LY86: variants seen among roughly 807,000 people sequenced by gnomAD.
The protein encoded by LY86 is lymphocyte antigen 86.
LY86 carries 20 observed loss-of-function variants against 17.3 expected under a neutral mutation model. The ratio of observed to expected loss-of-function variants is 1.15; its 90% CI spans 0.81 to 1.68. The LOEUF is 1.68. Ranked by LOEUF, LY86 falls within the 40% of genes most tolerant of loss-of-function variation. The pLI, the probability that LY86 is intolerant of heterozygous loss-of-function variation, is 0.00. For synonymous variants in LY86, 74 were observed against 70.6 expected, an observed-to-expected ratio of 1.05 and a Z score of -0.24; for missense variants, 200 against 191.9, an observed-to-expected ratio of 1.04 and a Z score of -0.25.
intron 1 of LY86, among the ~76,000 whole-genome samples, chr6:6,589,698 T>C (rs1760466314): frequency 2.0e-5 from 3 of 152,190 alleles, no homozygotes. Flanking sequence ...TGGCATCTTC[T>C]CCCTGTCTCC....
chr6:6,619,706 G>C (rs1175357206), intron 1 of LY86, among the ~76,000 whole-genome samples: 1 of 152,222 alleles, frequency 6.6e-6, no homozygotes, highest in African/African-American at 2.4e-5. Flanking sequence ...CCAGCTCTTA[G>C]AGTAATGTGG....
At chr6:6,621,934 G>A (rs1378679863) in intron 1 of LY86, among the ~76,000 whole-genome samples, 5 of 151,886 alleles carry the variant, frequency 3.3e-5, no homozygotes, top group Admixed American at 2.0e-4. Flanking sequence ...TAAATACAGA[G>A]AAGGATATGA....
Position 6,654,830 on chromosome 6 carries a change from A to G in LY86, c.*203A>G, listed in dbSNP as rs1405191560. On this transcript the variant is annotated 3_prime_UTR_variant, in exon 5 of 5. Coordinates refer to ENST00000230568, the MANE Select transcript of LY86 (RefSeq NM_004271.4). Reference sequence around the variant, plus strand: ...CAGATGTAATGAAGTCCCCGAATGTATCTGTTTCTAAGGAGCCTCTTGGCA... The same window carrying G: ...CAGATGTAATGAAGTCCCCGAATGTGTCTGTTTCTAAGGAGCCTCTTGGCA... 1.8e-6 allele frequency: 1 copy of G among 563,694 alleles called. No individual in the cohort carries two copies. Among genetic ancestry groups the G allele is most frequent in the East Asian group, 2.9e-5 (1 of 34,098 alleles). The allele number at this position is 563,694 out of a possible 1,614,324, so 34.9% of individuals were successfully genotyped here.
chr6:6,630,104 T>G (rs3804479), intron 3 of LY86, among the ~76,000 whole-genome samples: 19,708 of 152,258 alleles, frequency 0.13, 1,354 homozygotes, highest in Middle Eastern at 0.2. Flanking sequence ...TATTTTTGTC[T>G]TTTTTGGAAA....
intron 1 of LY86, chr6:6,622,593 T>C (rs1165088700): frequency 2.0e-5 from 3 of 152,230 alleles, no homozygotes; most frequent in East Asian, 3.8e-4. Flanking sequence ...AATTAGTGAC[T>C]GGACCAAAGG....
At chr6:6,646,385 G>A (rs73718623) in intron 3 of LY86, among the ~76,000 whole-genome samples, 1,764 of 152,228 alleles carry the variant, frequency 0.012, 32 homozygotes, top group African/African-American at 0.039. Flanking sequence ...TGAGGGGCTG[G>A]GCAAGGCATC....
At position 6,635,950 on chromosome 6, in the gene LY86, A is replaced by G. The variant is rs532079277; in HGVS notation, c.352+9529A>G. On this transcript the variant is annotated intron_variant, in intron 3 of 4. Coordinates refer to ENST00000230568, the MANE Select transcript of LY86 (RefSeq NM_004271.4). ...AGCATTTCCTGTCCCCTGACTCATC[A>G]GACTGCAGTGCTGCCGCTGGAGAGC... 1.7e-4 allele frequency among the ~76,000 whole-genome samples: 26 copies of G among 152,328 alleles called. No homozygotes were observed. The South Asian group carries it at 5.4e-3, about 32-fold the overall frequency.
At chr6:6,598,993 A>G (rs1289559580) in intron 1 of LY86, among the ~76,000 whole-genome samples, 3 of 152,184 alleles carry the variant, frequency 2.0e-5, no homozygotes, top group African/African-American at 7.2e-5. Flanking sequence ...ATATGGGACC[A>G]CTTGAGCTGA....
intron 3 of LY86, among the ~76,000 whole-genome samples, chr6:6,635,483 T>C (rs1319386163): frequency 6.6e-6 from 1 of 152,124 alleles, no homozygotes; most frequent in Non-Finnish European, 1.5e-5. Context: ...ACCGTAACAT[T>C]TTCAGGCCAC....
chr6:6,612,543 C>T (rs1424156679), intron 1 of LY86, among the ~76,000 whole-genome samples: 3 of 152,178 alleles, frequency 2.0e-5, no homozygotes, highest in East Asian at 1.9e-4. Flanking sequence ...CACACAAAAG[C>T]AACGAAACAA....
At chr6:6,652,090 G>A (rs539739767) in intron 4 of LY86, among the ~76,000 whole-genome samples, 2 of 147,644 alleles carry the variant, frequency 1.4e-5, no homozygotes, top group Non-Finnish European at 3.0e-5. Flanking sequence ...AAGGAAAAAG[G>A]TTGACCAGAT....
At chr6:6,654,053 G>C (rs543820288) in intron 4 of LY86, among the ~76,000 whole-genome samples, 15 of 152,100 alleles carry the variant, frequency 9.9e-5, no homozygotes, top group African/African-American at 3.6e-4. Context: ...GAGGCCCTAA[G>C]AGTCTGGCCT....
intron 3 of LY86, among the ~76,000 whole-genome samples, chr6:6,648,780 C>A (rs1157449103): frequency 4.0e-5 from 6 of 148,798 alleles, no homozygotes; most frequent in Admixed American, 6.7e-5. Context: ...AAGAAAAAAA[C>A]AAGGAAACTG....
chr6:6,639,749 G>A (rs1561791729), intron 3 of LY86, among the ~76,000 whole-genome samples: 1 of 152,152 alleles, frequency 6.6e-6, no homozygotes, highest in African/African-American at 2.4e-5. Context: ...AGTCACATCT[G>A]CAGAGTTCCT....
At chr6:6,637,918 C>T (rs980764396) in intron 3 of LY86, among the ~76,000 whole-genome samples, 2 of 152,294 alleles carry the variant, frequency 1.3e-5, no homozygotes. Context: ...TATTTGTCCA[C>T]AAAATTTAGG....
At chr6:6,651,840 G>A (rs1373710604) in intron 4 of LY86, among the ~76,000 whole-genome samples, 1 of 152,018 alleles carries the variant, frequency 6.6e-6, no homozygotes, top group Non-Finnish European at 1.5e-5. Flanking sequence ...CAGATCACTT[G>A]AGGTTGGAAG....
At chr6:6,606,755 C>CG (rs1761170928) in intron 1 of LY86, among the ~76,000 whole-genome samples, 1 of 152,228 alleles carries the variant, frequency 6.6e-6, no homozygotes, top group Non-Finnish European at 1.5e-5. Flanking sequence ...ACCCGGAACT[C>CG]GCGCTGGCCC....
chr6:6,596,537 G>C (rs1760719527), intron 1 of LY86, among the ~76,000 whole-genome samples: 3 of 152,186 alleles, frequency 2.0e-5, no homozygotes, highest in Admixed American at 2.0e-4. Flanking sequence ...AGGAAAAGTA[G>C]ACAAATAGCT....
intron 3 of LY86, among the ~76,000 whole-genome samples, chr6:6,635,438 A>ACTCTCTCTCTCCCTTTCTCTCT (rs1761946663): frequency 6.7e-6 from 1 of 150,342 alleles, no homozygotes; most frequent in Non-Finnish European, 1.5e-5. Context: ...TTTCTCTCTC[A>ACTCTCTCTCTCCCTTTCTCTCT]CTCTCTCTCT....
Sources: allele counts gnomAD v4.1 joint callset (sites outside exome capture counted in the v4.1 genomes callset), GRCh38; gene constraint gnomAD v4.1.1; transcripts MANE v1.5; gene names NCBI Gene and HGNC (gene_info 2026-07-23, HGNC 2026-07-21).